Variants in OPRM1 observed in about 807,000 individuals in gnomAD.
The protein encoded by OPRM1 is mu-type opioid receptor.
Under a neutral mutation model 31.8 loss-of-function variants are expected in OPRM1, and 27 were observed. That is an observed-to-expected ratio of 0.85 (90% CI 0.63 to 1.17). OPRM1 has a LOEUF of 1.17. Among genes scored for constraint, OPRM1 ranks in the 50% most tolerant of loss-of-function variants. The pLI is 0.00. For missense variants in OPRM1, 536 were observed against 511.1 expected (o/e 1.05, Z -0.47); for synonymous variants, 196 against 189.9 (o/e 1.03, Z -0.26).
At chr6:154,082,207 C>A (rs1789321429) in intron 1 of OPRM1, among the ~76,000 whole-genome samples, 1 of 152,064 alleles carries the variant, frequency 6.6e-6, no homozygotes, top group Admixed American at 6.6e-5. Context: ...TAACCCAAGC[C>A]CTTATTTCTT....
intron 1 of OPRM1, among the ~76,000 whole-genome samples, chr6:154,068,044 G>T (rs1413225414): frequency 1.3e-5 from 2 of 151,942 alleles, no homozygotes; most frequent in African/African-American, 4.8e-5. Context: ...CTTTCAACCT[G>T]CAAGACTCCC....
intron 1 of OPRM1, among the ~76,000 whole-genome samples, chr6:154,070,985 G>A (rs951267145): frequency 6.6e-6 from 1 of 152,110 alleles, no homozygotes; most frequent in Non-Finnish European, 1.5e-5. Flanking sequence ...AGGGAACATT[G>A]GATAGACATT....
chr6:154,193,161 T>C (rs980975426), intron 3 of OPRM1, among the ~76,000 whole-genome samples: 2 of 152,156 alleles, frequency 1.3e-5, no homozygotes, highest in Non-Finnish European at 2.9e-5. Flanking sequence ...CTGTGGTACA[T>C]ATATACCATA....
chr6:154,017,563 T>C (rs540105523), intron 1 of OPRM1, among the ~76,000 whole-genome samples: 96 of 152,100 alleles, frequency 6.3e-4, no homozygotes, highest in African/African-American at 2.1e-3. Flanking sequence ...ACCTATCTCA[T>C]GTGGTTATTC....
intron 1 of OPRM1, among the ~76,000 whole-genome samples, chr6:154,044,947 A>G (rs577635168): frequency 4.6e-5 from 7 of 152,296 alleles, no homozygotes; most frequent in African/African-American, 1.7e-4. Context: ...AGTGGTGGTC[A>G]GGCACTGTAG....
At chr6:154,093,311 A>C (rs540825) in intron 3 of OPRM1, 42 of 1,613,538 alleles carry the variant, frequency 2.6e-5, no homozygotes, top group African/African-American at 8.0e-5. Flanking sequence ...CTCTAGAGCA[A>C]GGCTGCTTGG....
intron 3 of OPRM1, chr6:154,223,157 A>G: frequency 3.1e-6 from 5 of 1,605,556 alleles, no homozygotes; most frequent in Non-Finnish European, 4.3e-6. Context: ...GTGGAAGATG[A>G]GAGACAACTT....
rs1797206478 is a variant in OPRM1, at chr6:154,119,871, C to T, written c.*1150C>T. On this transcript the variant is annotated 3_prime_UTR_variant, in exon 4 of 4. Coordinates refer to ENST00000330432, the MANE Select transcript of OPRM1 (RefSeq NM_000914.5). ...CCTGAAGATTGTGTTTATATAATGT[C>T]ATCACCAATATTTTGGTCTTTTTGA... Among the ~76,000 whole-genome samples, 1 of 152,160 alleles carries T rather than the reference C, an allele frequency of 6.6e-6. No individual in the cohort carries two copies. The highest frequency in any genetic ancestry group is 1.5e-5 in the Non-Finnish European group (1 of 68,024).
chr6:154,185,061 A>G (rs1801216585), intron 3 of OPRM1, among the ~76,000 whole-genome samples: 1 of 152,224 alleles, frequency 6.6e-6, no homozygotes, highest in Non-Finnish European at 1.5e-5. Context: ...ATCCTGCTAC[A>G]TGGCATGACT....
intron 3 of OPRM1, among the ~76,000 whole-genome samples, chr6:154,152,863 G>A (rs935497836): frequency 6.6e-6 from 1 of 151,256 alleles, no homozygotes; most frequent in Admixed American, 6.6e-5. Flanking sequence ...TCACGTAGCT[G>A]GGACCTGGGA....
At chr6:154,180,405 T>C (rs962086886) in intron 3 of OPRM1, among the ~76,000 whole-genome samples, 1 of 41,956 alleles carries the variant, frequency 2.4e-5, no homozygotes, top group African/African-American at 7.3e-5. Context: ...TATATATATA[T>C]ATATATATAT....
chr6:154,111,052 A>G (rs926882244), intron 3 of OPRM1, among the ~76,000 whole-genome samples: 1 of 152,212 alleles, frequency 6.6e-6, no homozygotes, highest in African/African-American at 2.4e-5. Context: ...AAATAAGTCC[A>G]TATTCACAGC....
intron 3 of OPRM1, among the ~76,000 whole-genome samples, chr6:154,152,390 A>AGGAGAGAG (rs1798559728): frequency 7.9e-6 from 1 of 126,198 alleles, no homozygotes; most frequent in African/African-American, 3.1e-5. Flanking sequence ...GAAAGAAAGA[A>AGGAGAGAG]AGAGAAATAG....
chr6:154,061,834 A>G (rs1784492387), intron 1 of OPRM1, among the ~76,000 whole-genome samples: 1 of 152,116 alleles, frequency 6.6e-6, no homozygotes, highest in Non-Finnish European at 1.5e-5. Flanking sequence ...GTTGGAAAAA[A>G]AAAAGGTGTT....
At chr6:154,145,875 A>G (rs1798346244) in intron 3 of OPRM1, among the ~76,000 whole-genome samples, 1 of 152,250 alleles carries the variant, frequency 6.6e-6, no homozygotes, top group Admixed American at 6.5e-5. Flanking sequence ...AAGCAATTCA[A>G]TGAAGATAAA....
chr6:154,015,466 C>T (rs1334777183), intron 1 of OPRM1, among the ~76,000 whole-genome samples: 1 of 151,800 alleles, frequency 6.6e-6, no homozygotes, highest in Non-Finnish European at 1.5e-5. Context: ...TGGAAAAAGA[C>T]AAAAATTAGA....
rs948610665 is a variant in OPRM1, at chr6:154,120,513, A to G, written c.*1792A>G. Among the ~76,000 whole-genome samples, 1 of 152,208 alleles carries G rather than the reference A, an allele frequency of 6.6e-6. No individual in the cohort carries two copies. The highest frequency in any genetic ancestry group is 1.5e-5 in the Non-Finnish European group (1 of 68,018). On this transcript the variant is annotated 3_prime_UTR_variant, in exon 4 of 4. Coordinates refer to ENST00000330432, the MANE Select transcript of OPRM1 (RefSeq NM_000914.5). ...TGTTTAATTTTTTATATTTTCTGACAAAAGTAACTAAAACTAGGACCTTAA... is the reference window on the plus strand; with the variant it reads ...TGTTTAATTTTTTATATTTTCTGACGAAAGTAACTAAAACTAGGACCTTAA...
intron 3 of OPRM1, among the ~76,000 whole-genome samples, chr6:154,138,704 T>C (rs745744501): frequency 1.3e-5 from 2 of 152,228 alleles, no homozygotes; most frequent in African/African-American, 4.8e-5. Flanking sequence ...TTAGAGTTTA[T>C]AGTTTAAAAC....
At chr6:154,229,645 C>T (rs554670987) in intron 3 of OPRM1, among the ~76,000 whole-genome samples, 7 of 152,172 alleles carry the variant, frequency 4.6e-5, no homozygotes, top group Admixed American at 1.3e-4. Context: ...CGTGAGCCAC[C>T]GTGCCCAGCA....
Sources: allele counts gnomAD v4.1 joint callset (sites outside exome capture counted in the v4.1 genomes callset), GRCh38; gene constraint gnomAD v4.1.1; transcripts MANE v1.5; gene names NCBI Gene and HGNC (gene_info 2026-07-23, HGNC 2026-07-21).